ANO3: variants seen among roughly 807,000 people sequenced by gnomAD.
The protein encoded by ANO3 is anoctamin-3.
Under a neutral mutation model 144.8 loss-of-function variants are expected in ANO3, and 99 were observed. The ratio of observed to expected loss-of-function variants is 0.68; its 90% CI spans 0.58 to 0.81. The LOEUF is 0.81. ANO3 is among the 30% of genes least tolerant of loss of function. The pLI, the probability that ANO3 is intolerant of heterozygous loss-of-function variation, is 0.00. For missense variants in ANO3, 905 were observed against 1,202.2 expected, an observed-to-expected ratio of 0.75 and a Z score of 3.66; for synonymous variants, 414 against 392.6, an observed-to-expected ratio of 1.05 and a Z score of -0.64.
At chr11:26,214,284 A>G (rs7939749) in intron 1 of ANO3, among the ~76,000 whole-genome samples, 39,286 of 151,622 alleles carry the variant, frequency 0.26, 5,618 homozygotes, top group Non-Finnish European at 0.31. Flanking sequence ...TACTTTTGGG[A>G]GTTAAGACTT....
intron 2 of ANO3, 64 bp from the exon 3 acceptor site, chr11:26,443,701 T>C (rs1858608346): frequency 1.1e-6 from 1 of 901,568 alleles, no homozygotes; most frequent in Non-Finnish European, 1.7e-6. Context: ...TCTATAACCA[T>C]GGTTATTTTT....
At position 26,660,583 on chromosome 11, in the gene ANO3, CATCT is replaced by C; in HGVS notation, c.*140_*143del. On this transcript the variant is annotated 3_prime_UTR_variant, in exon 27 of 27. Transcript: ENST00000256737. ...ATGCTACTTGGAAATGTATCACAGCCATCTCTGGGATTTGAAATATCCAGACTTG... is the reference window on the plus strand; with the variant it reads ...ATGCTACTTGGAAATGTATCACAGCCCTGGGATTTGAAATATCCAGACTTG... 1 of 711,376 alleles carries C rather than the reference CATCT, an allele frequency of 1.4e-6. No individual in the cohort carries two copies. The highest frequency in any genetic ancestry group is 2.4e-4 in the Middle Eastern group (1 of 4,088). The allele number at this position is 711,376 out of a possible 1,614,324, so 44.1% of individuals were successfully genotyped here.
chr11:26,460,527 A>G (rs1590380162), intron 3 of ANO3, among the ~76,000 whole-genome samples: 2 of 152,158 alleles, frequency 1.3e-5, no homozygotes, highest in East Asian at 3.9e-4. Flanking sequence ...GAAGGAATTT[A>G]GAAAATAAAA....
chr11:26,252,424 A>G (rs17308964), intron 1 of ANO3, among the ~76,000 whole-genome samples: 6,279 of 152,206 alleles, frequency 0.041, 183 homozygotes, highest in Non-Finnish European at 0.059. Flanking sequence ...GCCAGTAAGA[A>G]CTCTGAGAAC....
intron 1 of ANO3, among the ~76,000 whole-genome samples, chr11:26,217,436 C>T (rs1034793907): frequency 1.5e-5 from 2 of 134,928 alleles, no homozygotes; most frequent in African/African-American, 5.0e-5. Context: ...GTAAAAATGG[C>T]CTTTGTCATG....
intron 18 of ANO3, among the ~76,000 whole-genome samples, chr11:26,629,561 C>T (rs553546790): frequency 2.0e-5 from 3 of 152,234 alleles, no homozygotes; most frequent in East Asian, 1.9e-4. Context: ...TTTTAGACAA[C>T]GTGATAGGGA....
At chr11:26,624,011 C>A (rs1852501865) in intron 17 of ANO3, among the ~76,000 whole-genome samples, 1 of 152,132 alleles carries the variant, frequency 6.6e-6, no homozygotes. Context: ...TGGTCTCGAT[C>A]TCCTGACTTC....
At chr11:26,321,075 C>T (rs1180886987) in intron 1 of ANO3, among the ~76,000 whole-genome samples, 1 of 151,918 alleles carries the variant, frequency 6.6e-6, no homozygotes, top group Non-Finnish European at 1.5e-5. Context: ...TTGTTTTCTC[C>T]TTGGACAATG....
At chr11:26,585,369 T>G (rs1851246721) in intron 14 of ANO3, among the ~76,000 whole-genome samples, 1 of 152,222 alleles carries the variant, frequency 6.6e-6, no homozygotes, top group Non-Finnish European at 1.5e-5. Context: ...ATATCTGATT[T>G]GGTATTTCAT....
At chr11:26,608,549 C>T (rs138850452) in intron 17 of ANO3, among the ~76,000 whole-genome samples, 27 of 152,246 alleles carry the variant, frequency 1.8e-4, no homozygotes, top group African/African-American at 6.5e-4. Context: ...GGAGGAAAGG[C>T]TAAGTCTGCT....
At chr11:26,537,022 T>G (rs1849528496) in intron 9 of ANO3, among the ~76,000 whole-genome samples, 2 of 150,838 alleles carry the variant, frequency 1.3e-5, no homozygotes, top group Non-Finnish European at 1.5e-5. Flanking sequence ...TTTTTTTTTT[T>G]TGGTAGGGGA....
intron 1 of ANO3, among the ~76,000 whole-genome samples, chr11:26,363,110 G>A (rs1331765130): frequency 6.6e-6 from 1 of 152,124 alleles, no homozygotes; most frequent in Non-Finnish European, 1.5e-5. Context: ...TTAAACTTGT[G>A]TCTATTTTAC....
At chr11:26,195,979 C>A (rs1420872284) in intron 1 of ANO3, among the ~76,000 whole-genome samples, 1 of 152,240 alleles carries the variant, frequency 6.6e-6, no homozygotes, top group South Asian at 2.1e-4. Flanking sequence ...TGCCCCATTT[C>A]TTTTTTTCCA....
rs571596342 is a variant in ANO3 at position 26,194,583 on chromosome 11, C to T, written c.154+5253C>T. The stretch of plus-strand genomic sequence containing the variant: ...TGGCATGATCTCAGCTCACTGCAAT[C>T]TCTGCCTCCCGGGTGCAAGGAATTC... On this transcript the variant is annotated intron_variant, in intron 1 of 27. Coordinates refer to the ANO3 transcript ENST00000672621. Among the ~76,000 whole-genome samples, 4 of 151,932 alleles carry T rather than the reference C, an allele frequency of 2.6e-5. 1 individual carries two copies. In the South Asian group the frequency reaches 8.3e-4, roughly 32 times the overall value.
rs1849664369 is a variant in ANO3, at chr11:26,542,191, G to A, written c.1154+123G>A. 3 of 1,063,414 alleles carry A rather than the reference G, an allele frequency of 2.8e-6. No homozygotes were observed. In the Admixed American group the frequency reaches 9.7e-5, roughly 34 times the overall value. The allele number at this position is 1,063,414 out of a possible 1,614,324, so 65.9% of individuals were successfully genotyped here. On this transcript the variant is annotated intron_variant, in intron 11 of 26. Coordinates refer to ENST00000256737, the MANE Select transcript of ANO3 (RefSeq NM_031418.4). ...GTCTACAAAAAAGCAACCACTATAA[G>A]ATTTTTCAGTAAAAGAATCTCACTG...
At chr11:26,495,517 AG>A (rs1314262687) in intron 4 of ANO3, among the ~76,000 whole-genome samples, 6 of 152,306 alleles carry the variant, frequency 3.9e-5, no homozygotes, top group African/African-American at 1.2e-4. Context: ...AGCTTTCCAA[AG>A]ATTCTAACAT....
chr11:26,445,953 T>C (rs1385301035), intron 3 of ANO3, among the ~76,000 whole-genome samples: 4 of 152,082 alleles, frequency 2.6e-5, no homozygotes, highest in African/African-American at 9.7e-5. Context: ...TGCCTCAGCC[T>C]CCCGAGTAGC....
At chr11:26,372,077 TG>T (rs1220449304) in intron 1 of ANO3, among the ~76,000 whole-genome samples, 4 of 152,212 alleles carry the variant, frequency 2.6e-5, no homozygotes, top group African/African-American at 9.6e-5. Flanking sequence ...AATCTCATCT[TG>T]AATTGTAGTT....
chr11:26,589,537 G>A (rs147688958), intron 14 of ANO3, among the ~76,000 whole-genome samples: 13 of 151,360 alleles, frequency 8.6e-5, no homozygotes, highest in African/African-American at 2.7e-4. Flanking sequence ...TACAATCAAT[G>A]TTTGACCATT....
Sources: gnomAD v4.1 joint callset for allele counts (sites outside exome capture counted in the v4.1 genomes callset) on GRCh38, gnomAD v4.1.1 for gene constraint, MANE v1.5 for transcripts, NCBI Gene and HGNC (gene_info 2026-07-23, HGNC 2026-07-21) for gene names.